Variants in ATF7IP2 observed in about 807,000 individuals in gnomAD.
ATF7IP2 encodes activating transcription factor 7 interacting protein 2.
A neutral mutation model predicts 64.2 loss-of-function variants in ATF7IP2; 42 were observed. The observed-to-expected ratio is 0.65, with a 90% CI of 0.51 to 0.85. The LOEUF is 0.85. Among genes scored for constraint, ATF7IP2 ranks in the 40% least tolerant of loss-of-function variants. The probability of loss-of-function intolerance (pLI) is 0.00; values close to 1 mark genes in which losing one functional copy is unlikely to be tolerated. For synonymous variants in ATF7IP2, 308 were observed against 272.8 expected (o/e 1.13, Z -1.27); for missense variants, 933 against 784.2 (o/e 1.19, Z -2.27).
chr16:10,390,872 CAGA>C (rs1324089094), intron 1 of ATF7IP2, among the ~76,000 whole-genome samples: 4 of 152,252 alleles, frequency 2.6e-5, no homozygotes, highest in South Asian at 4.1e-4. Context: ...GCAAAGAAAG[CAGA>C]AGGAGGGTAG....
Position 10,426,292 on chromosome 16 carries a change from A to G in ATF7IP2, c.-159-2576A>G, listed in dbSNP as rs115150560. Among the ~76,000 whole-genome samples the G allele has an allele frequency of 4.1e-3, 627 of 152,306 alleles. 3 individuals are homozygous for G. The highest frequency in any genetic ancestry group is 0.014 in the African/African-American group (593 of 41,570). ...GTTCTGGTGTTGGTAGGGATCCCCA[A>G]TTAGTTTGGGTGGCTTTTTATTCTC... On this transcript the variant is annotated intron_variant, in intron 3 of 13. Coordinates refer to ENST00000562102, the MANE Select transcript of ATF7IP2 (RefSeq NM_001393719.1).
chr16:10,446,570 C>A (rs751593492), intron 8 of ATF7IP2: 2 of 152,162 alleles, frequency 1.3e-5, no homozygotes, highest in Non-Finnish European at 2.9e-5. Context: ...GCTGACACAT[C>A]CAATCCTCAT....
chr16:10,449,835 T>A (rs1232228350), intron 8 of ATF7IP2: 3 of 152,220 alleles, frequency 2.0e-5, no homozygotes, highest in Non-Finnish European at 4.4e-5. Context: ...AGTTCTGCTC[T>A]GATCTTAGAG....
At chr16:10,445,219 A>G (rs1374120067) in intron 8 of ATF7IP2, 1 of 152,144 alleles carries the variant, frequency 6.6e-6, no homozygotes, top group Non-Finnish European at 1.5e-5. Flanking sequence ...CCTTCATGAG[A>G]GGTTTGGATA....
intron 8 of ATF7IP2, among the ~76,000 whole-genome samples, chr16:10,451,296 G>C (rs1315938313): frequency 6.6e-6 from 1 of 152,066 alleles, no homozygotes; most frequent in African/African-American, 2.4e-5. Context: ...ATGTGTCTTA[G>C]GGTTGCTCTT....
intron 8 of ATF7IP2, among the ~76,000 whole-genome samples, chr16:10,443,807 G>A (rs1169897354): frequency 6.6e-6 from 1 of 152,158 alleles, no homozygotes; most frequent in African/African-American, 2.4e-5. Context: ...TGGGCTTAGG[G>A]TCAATGGAAG....
chr16:10,478,915 G>A (rs550226404), intron 12 of ATF7IP2, among the ~76,000 whole-genome samples: 105 of 152,236 alleles, frequency 6.9e-4, no homozygotes, highest in Middle Eastern at 3.4e-3. Context: ...CACCATCACT[G>A]GCCATCAGAG....
intron 1 of ATF7IP2, among the ~76,000 whole-genome samples, chr16:10,399,873 T>C (rs1325205209): frequency 6.6e-6 from 1 of 152,220 alleles, no homozygotes; most frequent in Non-Finnish European, 1.5e-5. Context: ...CAGTGTTTTA[T>C]AGTTTTTCTT....
intron 9 of ATF7IP2, among the ~76,000 whole-genome samples, chr16:10,471,522 C>T (rs374178289): frequency 3.7e-4 from 56 of 151,894 alleles, no homozygotes; most frequent in African/African-American, 1.4e-3. Flanking sequence ...GAGCAAAACT[C>T]CATCTCAAAA....
At chr16:10,428,245 T>A (rs2048130976) in intron 3 of ATF7IP2, among the ~76,000 whole-genome samples, 1 of 152,206 alleles carries the variant, frequency 6.6e-6, no homozygotes, top group Non-Finnish European at 1.5e-5. Context: ...TTCAAAGATG[T>A]TCACTTTATT....
intron 13 of ATF7IP2, 44 bp downstream of exon 13, chr16:10,481,008 G>T (rs766354907): frequency 7.2e-7 from 1 of 1,398,196 alleles, no homozygotes; most frequent in South Asian, 1.2e-5. Flanking sequence ...ATTCCAAATT[G>T]AGTGGGAAGT....
intron 8 of ATF7IP2, chr16:10,447,706 G>C (rs1487463822): frequency 2.0e-5 from 3 of 152,118 alleles, no homozygotes; most frequent in African/African-American, 7.2e-5. Flanking sequence ...ATAGGACAAA[G>C]AACCAGGAAG....
At chr16:10,472,000 A>G (rs1048745617) in intron 9 of ATF7IP2, 110 bp from the exon 10 acceptor site, 4 of 491,192 alleles carry the variant, frequency 8.1e-6, no homozygotes, top group African/African-American at 4.0e-5. Flanking sequence ...CGATTGTTCA[A>G]TTAAAACATT....
chr16:10,400,269 G>C (rs897950771), intron 1 of ATF7IP2, among the ~76,000 whole-genome samples: 19 of 152,180 alleles, frequency 1.2e-4, no homozygotes, highest in African/African-American at 4.6e-4. Flanking sequence ...TTGAACTCCT[G>C]ACCTCAGGTA....
intron 1 of ATF7IP2, among the ~76,000 whole-genome samples, chr16:10,392,208 T>G (rs1381873722): frequency 3.3e-5 from 5 of 151,920 alleles, no homozygotes; most frequent in African/African-American, 1.2e-4. Flanking sequence ...GCCCAGCTAA[T>G]TTTTGTACTT....
At chr16:10,460,503 T>G (rs925026408) in intron 9 of ATF7IP2, among the ~76,000 whole-genome samples, 2 of 152,160 alleles carry the variant, frequency 1.3e-5, no homozygotes, top group Admixed American at 1.3e-4. Flanking sequence ...GAGATTGGCA[T>G]GCGCTGGACA....
At chr16:10,470,642 A>G (rs1056491726) in intron 9 of ATF7IP2, among the ~76,000 whole-genome samples, 1 of 151,956 alleles carries the variant, frequency 6.6e-6, no homozygotes, top group African/African-American at 2.4e-5. Flanking sequence ...AAAGTTAGCC[A>G]GGCCTGGTGA....
chr16:10,470,835 ATATGTGTGTGTATATATATG>A (rs1165378152), intron 9 of ATF7IP2, among the ~76,000 whole-genome samples: 3 of 138,306 alleles, frequency 2.2e-5, no homozygotes, highest in Non-Finnish European at 4.5e-5. Flanking sequence ...ATATATATAT[ATATGTGTGTGTATATATATG>A]TGTGTGTGTG....
At chr16:10,451,465 G>A (rs985581791) in intron 8 of ATF7IP2, among the ~76,000 whole-genome samples, 8 of 152,092 alleles carry the variant, frequency 5.3e-5, no homozygotes, top group African/African-American at 1.4e-4. Context: ...TCAAACATAG[G>A]TGTGGTCTTT....
Sources: allele counts gnomAD v4.1 joint callset (sites outside exome capture counted in the v4.1 genomes callset), GRCh38; gene constraint gnomAD v4.1.1; transcripts MANE v1.5; gene names NCBI Gene and HGNC (gene_info 2026-07-23, HGNC 2026-07-21).